NOMO1: variants seen among roughly 807,000 people sequenced by gnomAD.
NOMO1 encodes the protein nodal modulator 3.
Under a neutral mutation model 133.8 loss-of-function variants are expected in NOMO1, and 40 were observed. That is an observed-to-expected ratio of 0.30 (90% confidence interval 0.23 to 0.39). The LOEUF is 0.39. Ranked by LOEUF, NOMO1 falls within the 10% of genes least tolerant of loss-of-function variation. The pLI is 1.00. For synonymous variants in NOMO1, 236 were observed against 570.5 expected, an observed-to-expected ratio of 0.41 and a Z score of 8.36; for missense variants, 462 against 1,419.9, an observed-to-expected ratio of 0.33 and a Z score of 10.84.
chr16:14,894,362 G>A (rs926294311), intron 29 of NOMO1, among the ~76,000 whole-genome samples: 1 of 152,148 alleles, frequency 6.6e-6, no homozygotes, highest in Non-Finnish European at 1.5e-5. Flanking sequence ...TACCGCTTCT[G>A]TTCCTGTACC....
intron 9 of NOMO1, among the ~76,000 whole-genome samples, chr16:14,856,560 T>C (rs1434803019): frequency 7.3e-5 from 11 of 151,568 alleles, no homozygotes; most frequent in Admixed American, 1.3e-4. Flanking sequence ...TACAGGCGCC[T>C]GCCACCACAC....
intron 28 of NOMO1, 36 bp from the exon 29 acceptor site, chr16:14,889,060 T>C (rs1422008275): frequency 6.2e-7 from 1 of 1,611,806 alleles, no homozygotes; most frequent in Admixed American, 1.7e-5. Context: ...GCCAGAGCTG[T>C]CCTTGTAAAA....
intron 3 of NOMO1, among the ~76,000 whole-genome samples, chr16:14,843,312 A>G (rs1271637864): frequency 6.9e-6 from 1 of 144,938 alleles, no homozygotes; most frequent in African/African-American, 2.6e-5. Context: ...CACTAAGAGC[A>G]GTGCTCCTGT....
At chr16:14,874,631 G>C (rs1247469797) in intron 18 of NOMO1, among the ~76,000 whole-genome samples, 2 of 151,984 alleles carry the variant, frequency 1.3e-5, no homozygotes, top group African/African-American at 4.8e-5. Context: ...TTGAAACGTG[G>C]ATTCCACAGG....
Position 14,833,918 on chromosome 16 carries a change from C to T in NOMO1, c.67C>T (p.Leu23=), listed in dbSNP as rs998515955. 8.1e-5 allele frequency: 54 copies of T among 663,242 alleles called. No individual in the cohort carries two copies. The highest frequency in any genetic ancestry group is 4.5e-4 in the Middle Eastern group (1 of 2,210). 41.1% of individuals were successfully genotyped at this position (663,242 alleles called of 1,614,324 possible). ...AVVTAAVVLL[L]SGVGPAHGSE... ...GGTCACCGCCGCGGTGGTGCTGCTG[C>T]TGAGCGGCGTGGGGCCGGCGCACGG... Residue 23 remains leucine (L), a synonymous_variant, in exon 1 of 31, where the codon CTG becomes TTG. Transcript: ENST00000287667.
At chr16:14,879,866 G>A in intron 23 of NOMO1, 149 bp from the exon 24 acceptor site, 1 of 1,493,152 alleles carries the variant, frequency 6.7e-7, no homozygotes, top group Non-Finnish European at 9.2e-7. Flanking sequence ...ACTGTGAGTG[G>A]TGATTATAGA....
chr16:14,876,516 C>T lies in NOMO1; in HGVS notation c.2514C>T (p.Tyr838=), dbSNP rs1181437312. 1.9e-6 allele frequency: 3 copies of T among 1,611,416 alleles called. No homozygotes were observed. Among genetic ancestry groups the T allele is most frequent in the South Asian group, 1.1e-5 (1 of 90,954 alleles). Residue 838 remains tyrosine (Y), a splice_region_variant and synonymous_variant, in exon 21 of 31, where the codon TAC becomes TAT. Coordinates refer to ENST00000287667, the MANE Select transcript of NOMO1 (RefSeq NM_014287.4). ...ITVFTDDKGA[Y]SVGPLHSDLE... is the part of the protein sequence containing the mutation. ...TCTTTACTGATGACAAAGGTGCCTACAGGTGAGCCCGGGATAGAGACACAT... is the reference window on the plus strand; with the variant it reads ...TCTTTACTGATGACAAAGGTGCCTATAGGTGAGCCCGGGATAGAGACACAT...
At chr16:14,871,182 C>T (rs1964076018) in intron 16 of NOMO1, among the ~76,000 whole-genome samples, 1 of 151,742 alleles carries the variant, frequency 6.6e-6, no homozygotes, top group South Asian at 2.1e-4. Flanking sequence ...TCTGGGGCTT[C>T]CCTTACTCCT....
At chr16:14,841,951 C>T (rs528422786) in intron 3 of NOMO1, among the ~76,000 whole-genome samples, 6 of 151,802 alleles carry the variant, frequency 4.0e-5, no homozygotes, top group Non-Finnish European at 7.4e-5. Flanking sequence ...TAGTCCCTGC[C>T]CCACTGGGTA....
chr16:14,836,066 C>T (rs13329879), intron 1 of NOMO1, among the ~76,000 whole-genome samples: 2 of 151,970 alleles, frequency 1.3e-5, no homozygotes, highest in Non-Finnish European at 2.9e-5. Flanking sequence ...CATTAAAAAC[C>T]GGGTTCTTTA....
chr16:14,835,464 C>T (rs1963491853), intron 1 of NOMO1, among the ~76,000 whole-genome samples: 1 of 150,398 alleles, frequency 6.6e-6, no homozygotes, highest in African/African-American at 2.5e-5. Context: ...GCTAAGGCCT[C>T]TTGCAACTTG....
intron 2 of NOMO1, among the ~76,000 whole-genome samples, chr16:14,838,798 C>T (rs1206707603): frequency 1.3e-5 from 2 of 150,924 alleles, no homozygotes; most frequent in East Asian, 2.0e-4. Context: ...AAATGCGCTA[C>T]AGTGCTGCCT....
At chr16:14,874,159 C>T (rs1026664792) in intron 18 of NOMO1, among the ~76,000 whole-genome samples, 4 of 151,332 alleles carry the variant, frequency 2.6e-5, no homozygotes, top group Admixed American at 6.6e-5. Flanking sequence ...CTGTTTCCGC[C>T]ATTGCTTTGT....
At chr16:14,845,926 G>C (rs1431857895) in intron 4 of NOMO1, among the ~76,000 whole-genome samples, 2 of 150,034 alleles carry the variant, frequency 1.3e-5, no homozygotes, top group African/African-American at 2.5e-5. Flanking sequence ...TCCTGGGTTC[G>C]AGCAATTCTC....
chr16:14,846,333 A>G (rs1963681498), intron 4 of NOMO1, among the ~76,000 whole-genome samples: 1 of 150,724 alleles, frequency 6.6e-6, no homozygotes, highest in Admixed American at 6.6e-5. Flanking sequence ...GCCCAGACCA[A>G]TAATGGTGAA....
At chr16:14,874,667 G>A (rs929447617) in intron 18 of NOMO1, among the ~76,000 whole-genome samples, 12 of 151,994 alleles carry the variant, frequency 7.9e-5, no homozygotes, top group Non-Finnish European at 1.2e-4. Flanking sequence ...CTGTTTTGTT[G>A]ATGCTGTATC....
At chr16:14,867,163 TATATA>T (rs1567543276) in intron 15 of NOMO1, among the ~76,000 whole-genome samples, 4 of 23,158 alleles carry the variant, frequency 1.7e-4, no homozygotes, top group South Asian at 1.1e-3. Flanking sequence ...TATATATATA[TATATA>T]TATATATATT....
Position 14,886,659 on chromosome 16 carries a change from C to T in NOMO1, c.3223-102C>T, listed in dbSNP as rs1056561843. On this transcript the variant is annotated intron_variant, in intron 27 of 30. Transcript: ENST00000287667. ...TTTCTTTTTCAAATATCCATGTTTC[C>T]AAAGACACCCACCCAGAAAGCGGCT... The T allele has an allele frequency of 2.1e-5, 33 of 1,600,536 alleles. No homozygotes were observed. In the African/African-American group the frequency reaches 4.2e-4, roughly 20 times the overall value.
At chr16:14,839,159 A>G (rs1474637081) in intron 2 of NOMO1, among the ~76,000 whole-genome samples, 1 of 151,128 alleles carries the variant, frequency 6.6e-6, no homozygotes, top group East Asian at 2.0e-4. Context: ...GGTTCAAGCC[A>G]TTTTCCTTCC....
Sources: allele counts gnomAD v4.1 joint callset (sites outside exome capture counted in the v4.1 genomes callset), GRCh38; gene constraint gnomAD v4.1.1; transcripts MANE v1.5; gene names NCBI Gene and HGNC (gene_info 2026-07-23, HGNC 2026-07-21).